The following PKP3 variants were observed in gnomAD, a reference collection of about 807,000 sequenced individuals.
PKP3 encodes the protein plakophilin-3.
A neutral mutation model predicts 76.5 loss-of-function variants in PKP3; 66 were observed. The ratio of observed to expected loss-of-function variants is 0.86; its 90% CI spans 0.71 to 1.06. The LOEUF (loss-of-function observed/expected upper bound fraction) is 1.06, where lower values mean the gene tolerates loss of function less well. Among genes scored for constraint, PKP3 ranks in the 50% least tolerant of loss-of-function variants. The pLI is 0.00. For missense variants in PKP3, 1,338 were observed against 1,141.0 expected (o/e 1.17, Z -2.49); for synonymous variants, 638 against 516.5 (o/e 1.24, Z -3.19).
chr11:396,521 C>G (rs1847046606), intron 1 of PKP3, 87 bp from the exon 2 acceptor site: 2 of 937,896 alleles, frequency 2.1e-6, no homozygotes, highest in South Asian at 3.3e-5. Context: ...CCTAGGGTTG[C>G]CAATAGCGAT....
At chr11:403,527 C>A in intron 9 of PKP3, 91 bp from the exon 10 acceptor site, 1 of 1,318,026 alleles carries the variant, frequency 7.6e-7, no homozygotes, top group Non-Finnish European at 1.1e-6. Flanking sequence ...CTGAGGGTGG[C>A]GAGAGGATGC....
Position 397,135 on chromosome 11 carries a change from G to GTGGAGCGCA in PKP3, c.634_635insTGGAGCGCA (p.Ala212delinsValGluArgThr), listed in dbSNP as rs1335463879. 6.3e-7 allele frequency: 1 copy of GTGGAGCGCA among 1,597,948 alleles called. No homozygotes were observed. The highest frequency in any genetic ancestry group is 1.1e-5 in the South Asian group (1 of 91,016). ...GCCCGCGGCCACCTCCACCTACAGG[G>GTGGAGCGCA]CCTTTGCGTACGAGCGCCAGGCCAG... On this transcript the variant is annotated protein_altering_variant, in exon 3 of 13. Transcript: ENST00000331563.
chr11:395,914 C>T (rs950532793), intron 1 of PKP3, among the ~76,000 whole-genome samples: 2 of 152,222 alleles, frequency 1.3e-5, no homozygotes, highest in Admixed American at 6.5e-5. Context: ...CCCACCCCTC[C>T]ATCCACCACT....
chr11:393,743 C>A (rs1847005532), upstream of PKP3, among the ~76,000 whole-genome samples: 1 of 152,124 alleles, frequency 6.6e-6, no homozygotes. Context: ...CCTTCCTAGG[C>A]CTCATCCCCA....
At position 403,151 on chromosome 11, in the gene PKP3, G is replaced by A. The variant is rs762444303; in HGVS notation, c.1811G>A (p.Ser604Asn). 3 of 1,581,266 alleles carry A rather than the reference G, an allele frequency of 1.9e-6. No individual in the cohort carries two copies. The African/African-American group carries it at 4.1e-5, about 22-fold the overall frequency. The change falls in exon 9 of 13, where the codon AGC (serine) becomes AAC (asparagine). Residue 604 changes from serine to asparagine, a missense_variant. By Grantham distance (46) the Ser-to-Asn change is conservative. Transcript: ENST00000331563. The part of the protein sequence containing the change: ...KDPKGLEWLW[S>N]PQIVGLYNRL... Reference sequence around the variant, plus strand: ...CCCAAGGGCCTCGAGTGGCTGTGGAGCCCCCAGATCGTGGGGCTGTACAAC... The same window carrying A: ...CCCAAGGGCCTCGAGTGGCTGTGGAACCCCCAGATCGTGGGGCTGTACAAC...
In PKP3 at chr11:394,615, G is replaced by C. The variant is rs985171085; in HGVS notation, c.232+91G>C. The C allele has an allele frequency of 8.2e-6, 9 of 1,096,102 alleles. No individual in the cohort carries two copies. In the South Asian group the frequency reaches 1.7e-4, roughly 20 times the overall value. 67.9% of individuals were successfully genotyped at this position (1,096,102 alleles called of 1,614,324 possible). On this transcript the variant is annotated intron_variant, in intron 1 of 12. Coordinates refer to ENST00000331563, the MANE Select transcript of PKP3 (RefSeq NM_007183.4). ...AGTGTGAGGGCAGAGGCCGCAGTGAGGCCGGCTCCTGACTCACCAGGCCTC... is the reference window on the plus strand; with the variant it reads ...AGTGTGAGGGCAGAGGCCGCAGTGACGCCGGCTCCTGACTCACCAGGCCTC...
intron 4 of PKP3, 44 bp downstream of exon 4, chr11:397,706 T>G (rs9795298): frequency 3.8e-6 from 6 of 1,591,616 alleles, no homozygotes; most frequent in Non-Finnish European, 5.1e-6. Flanking sequence ...GGTGACCTCC[T>G]TCGTGGGCCC....
Position 404,494 on chromosome 11 carries a change from G to A in PKP3, c.2359-40G>A, listed in dbSNP as rs1226944974. On this transcript the variant is annotated intron_variant, in intron 12 of 12. Transcript: ENST00000331563. The surrounding 1 kb of genome is among the most constrained non-coding windows in gnomAD (Gnocchi z 4.2). ...GGACAGCGGGCAGAGGGCCACATGG[G>A]CAGACATGCACCCTGACCTTGGGCC... 2 of 1,607,560 alleles carry A rather than the reference G, an allele frequency of 1.2e-6. No homozygotes were observed. The highest frequency in any genetic ancestry group is 3.3e-5 in the Admixed American group (2 of 60,014).
In PKP3 at chr11:403,227, C is replaced by T. The variant is rs754148202; in HGVS notation, c.1887C>T (p.Ala629=). 68 of 1,588,026 alleles carry T rather than the reference C, an allele frequency of 4.3e-5. No individual in the cohort carries two copies. Among genetic ancestry groups the T allele is most frequent in the Middle Eastern group, 3.4e-4 (2 of 5,916 alleles). ...ACCGGCACACGACGGAGGCGGCCGC[C>T]GGGGCGCTGCAGAACATCACGGCAG... The part of the protein sequence containing the change: ...ELNRHTTEAA[A]GALQNITAGD... Residue 629 remains alanine (A), a synonymous_variant, in exon 9 of 13, where the codon GCC becomes GCT. Coordinates refer to ENST00000331563, the MANE Select transcript of PKP3 (RefSeq NM_007183.4).
intron 4 of PKP3, among the ~76,000 whole-genome samples, chr11:398,720 G>A (rs371470292): frequency 1.9e-4 from 2 of 10,512 alleles, no homozygotes; most frequent in East Asian, 3.5e-3. Context: ...ACACACCTGC[G>A]TCACCTCCCT....
At chr11:403,034 AC>A in intron 8 of PKP3, 43 bp from the exon 9 acceptor site, 1 of 788,330 alleles carries the variant, frequency 1.3e-6, no homozygotes, top group Non-Finnish European at 1.6e-6. Context: ...GCTCACCCCG[AC>A]CCGCTCACCC....
intron 5 of PKP3, 149 bp downstream of exon 5, chr11:399,345 C>G: frequency 3.5e-6 from 1 of 283,046 alleles, no homozygotes. Context: ...CCCCCCTACT[C>G]CTCCTCCCCC....
In PKP3 at chr11:397,179, A is replaced by T. The variant is rs530947943; in HGVS notation, c.678A>T (p.Ala226=). 32 of 1,597,894 alleles carry T rather than the reference A, an allele frequency of 2.0e-5. No individual in the cohort carries two copies. The South Asian group carries it at 3.3e-4, about 16-fold the overall frequency. The change falls in exon 3 of 13, where the codon GCA becomes GCT. Residue 226 remains alanine (A), a synonymous_variant. Transcript: ENST00000331563. ...AGGCCAGCTCCAGCTCCAGCCGGGC[A>T]GGGGGGCTGGACTGGCCCGAGGCCA... The part of the protein sequence containing the change: ...ERQASSSSSR[A]GGLDWPEATE...
intron 5 of PKP3, 121 bp from the exon 6 acceptor site, chr11:399,846 T>G (rs1026607934): frequency 1.3e-6 from 1 of 792,122 alleles, no homozygotes; most frequent in Non-Finnish European, 2.0e-6. Context: ...GTGGGGCTCG[T>G]GGGTGAGGCA....
At chr11:394,891 C>G (rs1564877802) in intron 1 of PKP3, among the ~76,000 whole-genome samples, 1 of 152,184 alleles carries the variant, frequency 6.6e-6, no homozygotes, top group African/African-American at 2.4e-5. Flanking sequence ...CACATAGGGT[C>G]TCAGGGACAC....
At chr11:398,795 G>A (rs1338707606) in intron 4 of PKP3, among the ~76,000 whole-genome samples, 197 bp from the exon 5 acceptor site, 2 of 130,528 alleles carry the variant, frequency 1.5e-5, no homozygotes, top group South Asian at 2.6e-4. Context: ...CCGTACCCCC[G>A]CACACACCTG....
rs748382283 is a variant in PKP3 at position 404,221 on chromosome 11, GC to G, written c.2271-12del. 1.2e-6 allele frequency: 2 copies of G among 1,611,668 alleles called. No individual in the cohort carries two copies. On this transcript the variant is annotated splice_polypyrimidine_tract_variant and intron_variant, in intron 11 of 12. Coordinates refer to ENST00000331563, the MANE Select transcript of PKP3 (RefSeq NM_007183.4). This position sits in a 1 kb window ranked among gnomAD's most constrained non-coding sequence, Gnocchi z 4.2. ...TCTGGCTGTGTGTCCCCTCCTGACT[GC>G]CCTCCACCCTCAGCCCCGACAGTGA...
rs1011672937 is a variant in PKP3, at chr11:397,350, C to G, written c.849C>G (p.Ser283Arg). 8 of 1,591,170 alleles carry G rather than the reference C, an allele frequency of 5.0e-6. No individual in the cohort carries two copies. The African/African-American group carries it at 1.1e-4, about 21-fold the overall frequency. Residue 283 changes from serine (S) to arginine (R), a missense_variant, in exon 3 of 13, where the codon AGC becomes AGG. Transcript: ENST00000331563. ...EPVARAPSVR[S>R]LSLSLADSGH... ...TGGCTCGAGCGCCATCTGTGCGCAG[C>G]CTCAGCCTCAGCCTGGCTGACTCGG...
chr11:404,306 C>T lies in PKP3; in HGVS notation c.2341C>T (p.His781Tyr). ...CAACCTGTGGCAGTACAACAAGCTCCACCGTGACTTCCGGGCGGTACGTTT... is the reference window on the plus strand; with the variant it reads ...CAACCTGTGGCAGTACAACAAGCTCTACCGTGACTTCCGGGCGGTACGTTT... ...LANLWQYNKL[H>Y]RDFRAKGYRK... Residue 781 changes from histidine (H) to tyrosine (Y), a missense_variant, in exon 12 of 13, where the codon CAC (histidine) becomes TAC (tyrosine). By Grantham distance (83) the His-to-Tyr change is moderately conservative (BLOSUM62 2). Transcript: ENST00000331563. The surrounding 1 kb of genome is among the most constrained non-coding windows in gnomAD (Gnocchi z 4.2). 1 of 1,612,534 alleles carries T rather than the reference C, an allele frequency of 6.2e-7. No individual in the cohort carries two copies. The highest frequency in any genetic ancestry group is 8.5e-7 in the Non-Finnish European group (1 of 1,179,768).
Sources: gnomAD v4.1 joint callset for allele counts (sites outside exome capture counted in the v4.1 genomes callset) on GRCh38, gnomAD v4.1.1 for gene constraint, Gnocchi (gnomAD v3.1) non-coding constraint, MANE v1.5 for transcripts, NCBI Gene and HGNC (gene_info 2026-07-23, HGNC 2026-07-21) for gene names.